Variants in GBP6 observed in about 807,000 individuals in gnomAD.
GBP6 encodes the protein guanylate-binding protein 6.
A neutral mutation model predicts 61.5 loss-of-function variants in GBP6; 54 were observed. The ratio of observed to expected loss-of-function variants is 0.88; its 90% CI spans 0.71 to 1.10. The LOEUF (loss-of-function observed/expected upper bound fraction) is 1.10, where lower values mean the gene tolerates loss of function less well. GBP6 is among the 50% of genes least tolerant of loss of function. The pLI is 0.00. For missense variants in GBP6, 748 were observed against 752.8 expected (o/e 0.99, Z 0.07); for synonymous variants, 255 against 273.7 (o/e 0.93, Z 0.67).
chr1:89,367,949 C>G (rs1652510286), intron 1 of GBP6, among the ~76,000 whole-genome samples: 1 of 152,300 alleles, frequency 6.6e-6, no homozygotes, highest in Non-Finnish European at 1.5e-5. Flanking sequence ...TTTGAATATG[C>G]CTTTTAAAAA....
At chr1:89,381,572 G>A (rs1424139275) in intron 6 of GBP6, 122 bp from the exon 7 acceptor site, 3 of 852,476 alleles carry the variant, frequency 3.5e-6, no homozygotes, top group Non-Finnish European at 3.7e-6. Context: ...GGATGTGGGT[G>A]TATGTGTTTG....
rs1653147468 is a variant in GBP6, at chr1:89,386,423, A to C, written c.*954A>C. 1 of 152,214 alleles carries C rather than the reference A, an allele frequency of 6.6e-6. No individual in the cohort carries two copies. Among genetic ancestry groups the C allele is most frequent in the Non-Finnish European group, 1.5e-5 (1 of 68,044 alleles). The allele number at this position is 152,214 out of a possible 1,614,324, so 9.4% of individuals were successfully genotyped here. A position where few individuals can be genotyped will look rare whatever the true frequency, so the allele number is the denominator to read the frequency against. On this transcript the variant is annotated 3_prime_UTR_variant, in exon 11 of 11. Transcript: ENST00000370456. ...TAAGAAAATGTAAGAGACAATGCTA[A>C]TAATGATAACAATAAAAAAATAGTG...
rs1443983011 is a variant in GBP6 at position 89,382,783 on chromosome 1, A to C, written c.1272A>C (p.Gly424=). ...SKGLMESISA[G]SFSVPGGHKL... is the part of the protein sequence containing the mutation. ...GACTAATGGAAAGTATCTCAGCAGG[A>C]AGTTTCTCTGTTCCTGGAGGGCACA... The change falls in exon 8 of 11, where the codon GGA becomes GGC. Residue 424 remains glycine, a synonymous_variant. Transcript: ENST00000370456. 1.1e-5 allele frequency: 17 copies of C among 1,614,072 alleles called. No homozygotes were observed. Among genetic ancestry groups the C allele is most frequent in the Middle Eastern group, 3.3e-4 (2 of 6,062 alleles).
intron 3 of GBP6, among the ~76,000 whole-genome samples, chr1:89,374,941 T>A (rs909245279): frequency 6.6e-6 from 1 of 151,958 alleles, no homozygotes; most frequent in Non-Finnish European, 1.5e-5. Flanking sequence ...CCTCCCCTAA[T>A]CCCCAGTGTG....
At position 89,387,752 on chromosome 1, in the gene GBP6, G is replaced by A. The variant is rs1570475094; in HGVS notation, c.*2283G>A. ...GTTTGAGACCAGCCTGGCCAACATG[G>A]CGAAACCCTGCCTTTACTAAAAATA... is the stretch of plus-strand genomic sequence containing the variant. On this transcript the variant is annotated 3_prime_UTR_variant, in exon 11 of 11. Coordinates refer to ENST00000370456, the MANE Select transcript of GBP6 (RefSeq NM_198460.3). 2.0e-5 allele frequency among the ~76,000 whole-genome samples: 3 copies of A among 152,276 alleles called. No homozygotes were observed. The highest frequency in any genetic ancestry group is 2.0e-4 in the Admixed American group (3 of 15,302).
At chr1:89,366,590 T>A (rs1424136694) in intron 1 of GBP6, among the ~76,000 whole-genome samples, 1 of 152,212 alleles carries the variant, frequency 6.6e-6, no homozygotes, top group Admixed American at 6.5e-5. Context: ...ATAACCACTG[T>A]CTTTGAGGTA....
chr1:89,386,612 G>A lies in GBP6; in HGVS notation c.*1143G>A, dbSNP rs1400572167. Among the ~76,000 whole-genome samples, 2 of 152,072 alleles carry A rather than the reference G, an allele frequency of 1.3e-5. No individual in the cohort carries two copies. Among genetic ancestry groups the A allele is most frequent in the East Asian group, 1.9e-4 (1 of 5,182 alleles). ...TTTTTCGATCCCTTCTATTTGTTTCGAGACTAAGGCATACACTTTTCTGTG... is the reference window on the plus strand; with the variant it reads ...TTTTTCGATCCCTTCTATTTGTTTCAAGACTAAGGCATACACTTTTCTGTG... On this transcript the variant is annotated 3_prime_UTR_variant, in exon 11 of 11. Coordinates refer to ENST00000370456, the MANE Select transcript of GBP6 (RefSeq NM_198460.3).
At chr1:89,366,097 T>G (rs1652458991) in intron 1 of GBP6, among the ~76,000 whole-genome samples, 1 of 152,210 alleles carries the variant, frequency 6.6e-6, no homozygotes, top group African/African-American at 2.4e-5. Context: ...AAATCCCATA[T>G]GCCTTTCACC....
In GBP6 at chr1:89,378,530, G is replaced by T. The variant is rs200988868; in HGVS notation, c.542G>T (p.Arg181Leu). 1 of 1,614,036 alleles carries T rather than the reference G, an allele frequency of 6.2e-7. No individual in the cohort carries two copies. Among genetic ancestry groups the T allele is most frequent in the Non-Finnish European group, 8.5e-7 (1 of 1,179,956 alleles). ...TTCCCAGACTTTCTTTGGACAGTAC[G>T]GGATTTCACTCTGGAGCTGAAGTTG... The part of the protein sequence containing the change: ...SFFPDFLWTV[R>L]DFTLELKLNG... The change falls in exon 5 of 11, where the codon CGG becomes CTG. Residue 181 changes from arginine (R) to leucine (L), a missense_variant. By Grantham distance (102) the Arg-to-Leu change is moderately radical. Transcript: ENST00000370456.
intron 3 of GBP6, among the ~76,000 whole-genome samples, chr1:89,375,071 C>A (rs759874788): frequency 6.6e-6 from 1 of 152,076 alleles, no homozygotes; most frequent in East Asian, 1.9e-4. Flanking sequence ...GCCCTCCAGG[C>A]CCATCCATGT....
rs1375936263 is a variant in GBP6, at chr1:89,369,639, T to A, written c.284T>A (p.Leu95His). The A allele has an allele frequency of 6.2e-7, 1 of 1,614,128 alleles. No individual in the cohort carries two copies. Among genetic ancestry groups the A allele is most frequent in the Admixed American group, 1.7e-5 (1 of 60,024 alleles). ...HPSKPNHTLV[L>H]LDTEGLGDVE... Reference sequence around the variant, plus strand: ...TCCAAGCCAAACCACACCCTGGTCCTTCTGGACACCGAAGGTCTGGGCGAT... The same window carrying A: ...TCCAAGCCAAACCACACCCTGGTCCATCTGGACACCGAAGGTCTGGGCGAT... The change falls in exon 3 of 11, where the codon CTT (leucine) becomes CAT (histidine). Residue 95 changes from leucine to histidine, a missense_variant. Transcript: ENST00000370456.
chr1:89,369,043 A>G (rs1570460295), intron 2 of GBP6, among the ~76,000 whole-genome samples: 1 of 152,040 alleles, frequency 6.6e-6, no homozygotes, highest in East Asian at 1.9e-4. Flanking sequence ...TGCTTTCCTC[A>G]TGTAATATTC....
At chr1:89,375,976 G>A (rs1041605889) in intron 3 of GBP6, among the ~76,000 whole-genome samples, 7 of 151,450 alleles carry the variant, frequency 4.6e-5, no homozygotes, top group South Asian at 4.2e-4. Flanking sequence ...CTAGCCCCTC[G>A]TAACCATCAT....
At chr1:89,375,079 T>C (rs903449762) in intron 3 of GBP6, among the ~76,000 whole-genome samples, 1 of 152,210 alleles carries the variant, frequency 6.6e-6, no homozygotes, top group Non-Finnish European at 1.5e-5. Flanking sequence ...GGCCCATCCA[T>C]GTCCTTGAAA....
intron 3 of GBP6, among the ~76,000 whole-genome samples, chr1:89,374,198 G>C (rs187053075): frequency 6.6e-6 from 1 of 152,016 alleles, no homozygotes; most frequent in Non-Finnish European, 1.5e-5. Context: ...GTCCAGTCTC[G>C]TGTATGTCTT....
At chr1:89,369,400 C>T (rs111798938) in intron 2 of GBP6, 146 bp from the exon 3 acceptor site, 10,769 of 955,484 alleles carry the variant, frequency 0.011, 92 homozygotes, top group Non-Finnish European at 0.014. Context: ...ATAGATTATT[C>T]ACAAAGTAAG....
intron 1 of GBP6, among the ~76,000 whole-genome samples, chr1:89,365,556 G>A (rs189800336): frequency 6.6e-6 from 1 of 152,268 alleles, no homozygotes; most frequent in African/African-American, 2.4e-5. Context: ...AAATTTATTT[G>A]TAGTTTTTGT....
chr1:89,366,924 T>G (rs986712271), intron 1 of GBP6, among the ~76,000 whole-genome samples: 2 of 152,212 alleles, frequency 1.3e-5, no homozygotes, highest in South Asian at 4.1e-4. Context: ...CTTTTGCGCC[T>G]GGCATATTTC....
In GBP6 at chr1:89,378,454, T is replaced by G. The variant is rs1570467787; in HGVS notation, c.466T>G (p.Ser156Ala). ...TELTELIKAK[S>A]SPRPDGVEDS... is the part of the protein sequence containing the mutation. Reference sequence around the variant, plus strand: ...GCTCACAGAACTAATTAAGGCAAAGTCCTCCCCAAGGCCTGATGGAGTAGA... The same window carrying G: ...GCTCACAGAACTAATTAAGGCAAAGGCCTCCCCAAGGCCTGATGGAGTAGA... Residue 156 changes from serine to alanine, a missense_variant, in exon 5 of 11, where the codon TCC becomes GCC. Transcript: ENST00000370456. 1 of 1,614,110 alleles carries G rather than the reference T, an allele frequency of 6.2e-7. No homozygotes were observed. The highest frequency in any genetic ancestry group is 8.5e-7 in the Non-Finnish European group (1 of 1,179,990).
Sources: allele counts gnomAD v4.1 joint callset (sites outside exome capture counted in the v4.1 genomes callset), GRCh38; gene constraint gnomAD v4.1.1; transcripts MANE v1.5; gene names NCBI Gene and HGNC (gene_info 2026-07-23, HGNC 2026-07-21).